Variants in MCF2L2 observed in about 807,000 individuals in gnomAD.
The protein encoded by MCF2L2 is probable guanine nucleotide exchange factor MCF2L2.
MCF2L2 carries 102 observed loss-of-function variants against 150.2 expected under a neutral mutation model. That is an observed-to-expected ratio of 0.68 (90% CI 0.58 to 0.80). The LOEUF is 0.80. Ranked by LOEUF, MCF2L2 falls within the 30% of genes least tolerant of loss-of-function variation. The pLI is 0.00. For synonymous variants in MCF2L2, 465 were observed against 491.3 expected (o/e 0.95, Z 0.71); for missense variants, 1,256 against 1,372.8 (o/e 0.91, Z 1.34).
At chr3:183,207,118 T>C (rs1722522413) in intron 23 of MCF2L2, among the ~76,000 whole-genome samples, 1 of 152,150 alleles carries the variant, frequency 6.6e-6, no homozygotes, top group Admixed American at 6.5e-5. Context: ...TGGGTGTGTG[T>C]GTTTCATAGC....
At chr3:183,403,304 A>C (rs984629875) in intron 1 of MCF2L2, among the ~76,000 whole-genome samples, 4 of 152,154 alleles carry the variant, frequency 2.6e-5, no homozygotes, top group Non-Finnish European at 4.4e-5. Flanking sequence ...CAACAGAAGA[A>C]ATTATAACCA....
intron 3 of MCF2L2, among the ~76,000 whole-genome samples, chr3:183,344,827 G>A (rs1418995822): frequency 1.3e-5 from 2 of 152,140 alleles, no homozygotes; most frequent in African/African-American, 4.8e-5. Context: ...AAAAGACAAA[G>A]AAGGGAATTA....
intron 7 of MCF2L2, among the ~76,000 whole-genome samples, chr3:183,316,959 G>A (rs889939152): frequency 2.0e-5 from 3 of 152,096 alleles, no homozygotes; most frequent in African/African-American, 7.2e-5. Context: ...GCCCACCTCG[G>A]CCTCCCAAAG....
chr3:183,399,425 C>T (rs972998057), intron 1 of MCF2L2, among the ~76,000 whole-genome samples: 9 of 151,998 alleles, frequency 5.9e-5, no homozygotes, highest in Non-Finnish European at 1.3e-4. Context: ...TAAACATTTT[C>T]AAGGCAAAAA....
chr3:183,315,898 C>T (rs373203738), intron 7 of MCF2L2, among the ~76,000 whole-genome samples: 2 of 152,348 alleles, frequency 1.3e-5, no homozygotes, highest in African/African-American at 4.8e-5. Context: ...CAGAGACCTT[C>T]CTGACTGACC....
chr3:183,296,787 A>G (rs1728528024), intron 12 of MCF2L2, 189 bp downstream of exon 12: 1 of 578,016 alleles, frequency 1.7e-6, no homozygotes, highest in Non-Finnish European at 3.1e-6. Context: ...TTTGAGTCAG[A>G]CGAAGACTCA....
At chr3:183,316,555 G>A (rs1326483981) in intron 7 of MCF2L2, among the ~76,000 whole-genome samples, 2 of 151,876 alleles carry the variant, frequency 1.3e-5, no homozygotes, top group Non-Finnish European at 2.9e-5. Context: ...ATGTTGTCCA[G>A]GCTGGTCTCG....
chr3:183,207,673 T>C lies in MCF2L2; in HGVS notation c.2647A>G (p.Lys883Glu), dbSNP rs1032342709. 3.7e-6 allele frequency: 6 copies of C among 1,614,146 alleles called. No individual in the cohort carries two copies. Among genetic ancestry groups the C allele is most frequent in the Non-Finnish European group, 4.2e-6 (5 of 1,180,044 alleles). Residue 883 changes from lysine to glutamate, a missense_variant, in exon 23 of 30, where the codon AAG (lysine) becomes GAG (glutamate). Lys to Glu is a moderately conservative substitution (Grantham distance 56, BLOSUM62 1). Transcript: ENST00000328913. ...TGGTCCCCAGGCTCCATTCGTATCTTACAGAACACTATTCCCCTTTCAAAT... is the reference window on the plus strand; with the variant it reads ...TGGTCCCCAGGCTCCATTCGTATCTCACAGAACACTATTCCCCTTTCAAAT... ...YLFERGIVFC[K>E]IRMEPGDQGL... is the part of the protein sequence containing the mutation.
intron 1 of MCF2L2, among the ~76,000 whole-genome samples, chr3:183,425,082 C>T (rs543944835): frequency 7.8e-6 from 1 of 127,616 alleles, no homozygotes; most frequent in African/African-American, 2.9e-5. Flanking sequence ...GAGGCAGACA[C>T]AGAGAGACAG....
chr3:183,309,944 T>C, intron 9 of MCF2L2, 109 bp from the exon 10 acceptor site: 1 of 1,323,966 alleles, frequency 7.6e-7, no homozygotes, highest in Non-Finnish European at 1.0e-6. Context: ...GATTCAAGAC[T>C]TGTATATATC....
chr3:183,348,557 A>G (rs1184011959), intron 3 of MCF2L2, among the ~76,000 whole-genome samples: 3 of 152,128 alleles, frequency 2.0e-5, no homozygotes, highest in Non-Finnish European at 4.4e-5. Context: ...CCAAAACTTA[A>G]AGTATAATAA....
At chr3:183,342,691 T>C (rs187638116) in intron 3 of MCF2L2, among the ~76,000 whole-genome samples, 4 of 150,642 alleles carry the variant, frequency 2.7e-5, no homozygotes, top group African/African-American at 4.9e-5. Context: ...TGTACAAACA[T>C]GTAAAATGCT....
At chr3:183,384,336 G>A (rs1008101146) in intron 2 of MCF2L2, among the ~76,000 whole-genome samples, 1 of 152,250 alleles carries the variant, frequency 6.6e-6, no homozygotes, top group Non-Finnish European at 1.5e-5. Flanking sequence ...TCTTGCCTGG[G>A]GATTAGATTG....
rs1288691940 is a variant in MCF2L2 at position 183,181,062 on chromosome 3, A to G, written c.3017-903T>C. On this transcript the variant is annotated intron_variant, in intron 27 of 29. Coordinates refer to ENST00000328913, the MANE Select transcript of MCF2L2 (RefSeq NM_015078.4). This position sits in a 1 kb window ranked among gnomAD's most constrained non-coding sequence, Gnocchi z 4.3. ...TCTACGCGGCGGGAGCCGTGCTAGG[A>G]AAGTGTCTGCTCAGGCGAGAATTCA... Among the ~76,000 whole-genome samples, 1 of 152,218 alleles carries G rather than the reference A, an allele frequency of 6.6e-6. No homozygotes were observed.
chr3:183,425,834 A>C (rs978782129), intron 1 of MCF2L2, among the ~76,000 whole-genome samples: 4 of 152,176 alleles, frequency 2.6e-5, no homozygotes, highest in Admixed American at 1.3e-4. Context: ...ACATGCCTGT[A>C]ATCCCAGCTA....
Position 183,297,009 on chromosome 3 carries a change from G to A in MCF2L2, c.1464C>T (p.Asn488=), listed in dbSNP as rs1023047872. 24 of 1,613,828 alleles carry A rather than the reference G, an allele frequency of 1.5e-5. No homozygotes were observed. The highest frequency in any genetic ancestry group is 1.6e-4 in the Middle Eastern group (1 of 6,084). Residue 488 remains asparagine, a synonymous_variant, in exon 12 of 30, where the codon AAC becomes AAT. Coordinates refer to ENST00000328913, the MANE Select transcript of MCF2L2 (RefSeq NM_015078.4). ...YPLLSPKEFY[N]EFELLLTLDA... is the part of the protein sequence containing the mutation. ...CGAGGGTGAGCAGCAACTCAAACTC[G>A]TTGTAAAACTCCTTGGGGCTGAGCA... is the stretch of plus-strand genomic sequence containing the variant.
intron 15 of MCF2L2, among the ~76,000 whole-genome samples, chr3:183,244,014 C>T (rs945900731): frequency 1.3e-5 from 2 of 152,052 alleles, no homozygotes; most frequent in African/African-American, 4.8e-5. Flanking sequence ...GTCCCAGCTA[C>T]TCGGGAGGCT....
chr3:183,291,034 C>T lies in MCF2L2; in HGVS notation c.1676-1814G>A, dbSNP rs1230759148. 7.5e-5 allele frequency among the ~76,000 whole-genome samples: 11 copies of T among 146,564 alleles called. 1 individual carries two copies. The highest frequency in any genetic ancestry group is 2.4e-4 in the African/African-American group (10 of 41,124). On this transcript the variant is annotated intron_variant, in intron 13 of 29. Transcript: ENST00000328913. ...TTTTCATAGATGTTATGTTGAAAAT[C>T]GCAGAAAATTACACTGCTACCCCAG...
At chr3:183,363,237 T>G (rs1313620665) in intron 3 of MCF2L2, among the ~76,000 whole-genome samples, 1 of 152,204 alleles carries the variant, frequency 6.6e-6, no homozygotes, top group African/African-American at 2.4e-5. Context: ...TTGGGCAGTT[T>G]CTCACAAAAC....
Sources: gnomAD v4.1 joint callset for allele counts (sites outside exome capture counted in the v4.1 genomes callset) on GRCh38, gnomAD v4.1.1 for gene constraint, Gnocchi (gnomAD v3.1) non-coding constraint, MANE v1.5 for transcripts, NCBI Gene and HGNC (gene_info 2026-07-23, HGNC 2026-07-21) for gene names.